The following CDIN1 variants were observed in gnomAD, a reference collection of about 807,000 sequenced individuals.
The protein encoded by CDIN1 is CDAN1-interacting nuclease 1.
CDIN1 carries 33 observed loss-of-function variants against 45.3 expected under a neutral mutation model. That is an observed-to-expected ratio of 0.73 (90% CI 0.55 to 0.97). CDIN1 has a LOEUF of 0.97. CDIN1 is among the 50% of genes least tolerant of loss of function. The probability of loss-of-function intolerance (pLI) is 0.00; values close to 1 mark genes in which losing one functional copy is unlikely to be tolerated. For missense variants in CDIN1, 303 were observed against 339.4 expected (o/e 0.89, Z 0.84); for synonymous variants, 118 against 124.4 (o/e 0.95, Z 0.34).
rs1356583531 is a variant in CDIN1 at position 36,800,856 on chromosome 15, CAT to C, written c.717-7465_717-7464del. 3.3e-4 allele frequency among the ~76,000 whole-genome samples: 32 copies of C among 95,834 alleles called. No individual in the cohort carries two copies. In the East Asian group the frequency reaches 3.6e-3, roughly 11 times the overall value. 62.9% of individuals were successfully genotyped at this position (95,834 alleles called of 152,430 possible). On this transcript the variant is annotated intron_variant, in intron 10 of 10. Coordinates refer to ENST00000566621, the MANE Select transcript of CDIN1 (RefSeq NM_001321759.2). ...AAATATATATATGATTATGATTATA[CAT>C]ATGTGTGTGTGTGTGTATATATGTG... is the stretch of plus-strand genomic sequence containing the variant.
At chr15:36,715,379 A>G (rs924651167) in intron 10 of CDIN1, among the ~76,000 whole-genome samples, 1 of 152,202 alleles carries the variant, frequency 6.6e-6, no homozygotes, top group African/African-American at 2.4e-5. Context: ...GCTTGAGAGG[A>G]GAGGCATTTA....
At chr15:36,765,832 C>A (rs1488843999) in intron 10 of CDIN1, among the ~76,000 whole-genome samples, 1 of 152,148 alleles carries the variant, frequency 6.6e-6, no homozygotes, top group African/African-American at 2.4e-5. Context: ...TGGTGATAGA[C>A]ATACACACTA....
At chr15:36,731,607 A>G (rs760598670) in intron 10 of CDIN1, among the ~76,000 whole-genome samples, 2 of 152,090 alleles carry the variant, frequency 1.3e-5, no homozygotes, top group Non-Finnish European at 2.9e-5. Context: ...TTTCATCAGC[A>G]TTTTCTAATC....
chr15:36,637,408 A>C (rs965980096), intron 1 of CDIN1, among the ~76,000 whole-genome samples: 1 of 152,248 alleles, frequency 6.6e-6, no homozygotes, highest in African/African-American at 2.4e-5. Flanking sequence ...TCAACTGAAA[A>C]AACTTTTGTA....
chr15:36,621,872 G>GTTTTTTTTT (rs553981750), intron 1 of CDIN1, among the ~76,000 whole-genome samples: 14,768 of 141,860 alleles, frequency 0.1, 854 homozygotes, highest in African/African-American at 0.11. Flanking sequence ...AACAAGTTCA[G>GTTTTTTTTT]TTTTTTTTTT....
chr15:36,750,775 A>G (rs1188938912), intron 10 of CDIN1, among the ~76,000 whole-genome samples: 2 of 152,176 alleles, frequency 1.3e-5, no homozygotes, highest in Non-Finnish European at 2.9e-5. Context: ...TTTAAGATAA[A>G]GCTATACTAT....
chr15:36,629,809 T>G (rs1437507595), intron 1 of CDIN1, among the ~76,000 whole-genome samples: 1 of 152,210 alleles, frequency 6.6e-6, no homozygotes, highest in African/African-American at 2.4e-5. Context: ...CATAACCTTC[T>G]TGTCTATTTT....
chr15:36,687,043 G>A (rs1051896609), intron 5 of CDIN1, among the ~76,000 whole-genome samples: 5 of 141,664 alleles, frequency 3.5e-5, no homozygotes, highest in East Asian at 2.4e-4. Context: ...AGGGAGGGAG[G>A]GAGGGATGGA....
chr15:36,789,725 C>T (rs2054596607), intron 10 of CDIN1, among the ~76,000 whole-genome samples: 3 of 152,162 alleles, frequency 2.0e-5, no homozygotes, highest in African/African-American at 4.8e-5. Context: ...CCTTCCTCCT[C>T]GTGAAAGTTA....
intron 5 of CDIN1, among the ~76,000 whole-genome samples, chr15:36,672,542 A>G (rs2041489880): frequency 6.6e-6 from 1 of 151,928 alleles, no homozygotes; most frequent in Non-Finnish European, 1.5e-5. Flanking sequence ...CTATGGGGGG[A>G]AATAGAACAG....
intron 10 of CDIN1, among the ~76,000 whole-genome samples, chr15:36,797,743 G>C (rs1282647099): frequency 6.6e-6 from 1 of 152,084 alleles, no homozygotes; most frequent in East Asian, 1.9e-4. Flanking sequence ...ACTTTGGGGG[G>C]CCGAGGCGGG....
intron 1 of CDIN1, among the ~76,000 whole-genome samples, chr15:36,583,159 AT>A (rs1431592623): frequency 6.6e-6 from 1 of 151,810 alleles, no homozygotes; most frequent in African/African-American, 2.4e-5. Context: ...TTTTTCTGAC[AT>A]TTTTGCCTTT....
chr15:36,596,467 C>T (rs2140211777), intron 1 of CDIN1, among the ~76,000 whole-genome samples: 1 of 152,052 alleles, frequency 6.6e-6, no homozygotes. Context: ...TAGTTACTTC[C>T]AAATTTTTGA....
At chr15:36,681,691 G>C (rs931662952) in intron 5 of CDIN1, among the ~76,000 whole-genome samples, 2 of 152,160 alleles carry the variant, frequency 1.3e-5, no homozygotes, top group African/African-American at 4.8e-5. Flanking sequence ...ATTAGTTTTA[G>C]ACTGACATTA....
chr15:36,699,595 A>T (rs2042560005), intron 8 of CDIN1, among the ~76,000 whole-genome samples: 1 of 152,160 alleles, frequency 6.6e-6, no homozygotes, highest in African/African-American at 2.4e-5. Context: ...TTAATATATT[A>T]ACCCTTCTTA....
chr15:36,722,469 A>G (rs2043459589), intron 10 of CDIN1, among the ~76,000 whole-genome samples: 1 of 152,210 alleles, frequency 6.6e-6, no homozygotes, highest in African/African-American at 2.4e-5. Flanking sequence ...TATAATAAGC[A>G]TACGGTTGTT....
intron 1 of CDIN1, among the ~76,000 whole-genome samples, chr15:36,589,860 C>T (rs1353791635): frequency 7.2e-5 from 11 of 152,180 alleles, no homozygotes; most frequent in Admixed American, 7.2e-4. Flanking sequence ...ATTGTTTGGT[C>T]GGTCCATGGG....
At chr15:36,779,591 C>G (rs1421538318) in intron 10 of CDIN1, among the ~76,000 whole-genome samples, 1 of 152,160 alleles carries the variant, frequency 6.6e-6, no homozygotes, top group Non-Finnish European at 1.5e-5. Flanking sequence ...TGCTCCTCAG[C>G]CAATTCCTAT....
chr15:36,660,782 C>A (rs1051372124), intron 5 of CDIN1, among the ~76,000 whole-genome samples: 1 of 152,238 alleles, frequency 6.6e-6, no homozygotes, highest in African/African-American at 2.4e-5. Flanking sequence ...TGATAGGATA[C>A]GTATTTTGAG....
Sources: allele counts gnomAD v4.1 joint callset (sites outside exome capture counted in the v4.1 genomes callset), GRCh38; gene constraint gnomAD v4.1.1; transcripts MANE v1.5; gene names NCBI Gene and HGNC (gene_info 2026-07-23, HGNC 2026-07-21).